The following CELF4 variants were observed in gnomAD, a reference collection of about 807,000 sequenced individuals.
The protein encoded by CELF4 is CUG-BP- and ETR-3-like factor 4.
In CELF4, 18 loss-of-function variants were observed where a neutral mutation model predicts 59.9. That is an observed-to-expected ratio of 0.30 (90% CI 0.21 to 0.45). The LOEUF is 0.45. CELF4 is among the 20% of genes least tolerant of loss of function. The pLI is 1.00. For missense variants in CELF4, 456 were observed against 689.0 expected (o/e 0.66, Z 3.79); for synonymous variants, 261 against 267.1 (o/e 0.98, Z 0.22).
At chr18:37,273,794 C>G in intron 6 of CELF4, 1 of 989,122 alleles carries the variant, frequency 1.0e-6, no homozygotes, top group Non-Finnish European at 1.2e-6. Flanking sequence ...CCGGGAGAGG[C>G]TGACAGAGTG....
chr18:37,499,158 G>A (rs2099928600), intron 1 of CELF4, among the ~76,000 whole-genome samples: 1 of 150,000 alleles, frequency 6.7e-6, no homozygotes, highest in Non-Finnish European at 1.5e-5. Context: ...GCCAGCATGT[G>A]TCGGGGCTCA....
At chr18:37,550,085 G>A (rs919714141) in intron 1 of CELF4, among the ~76,000 whole-genome samples, 1 of 104,546 alleles carries the variant, frequency 9.6e-6, no homozygotes, top group African/African-American at 6.6e-5. Flanking sequence ...CCAATGGGTG[G>A]GGGGGGGGGA....
chr18:37,330,099 A>G (rs2097485130), intron 2 of CELF4, among the ~76,000 whole-genome samples: 1 of 152,238 alleles, frequency 6.6e-6, no homozygotes, highest in Non-Finnish European at 1.5e-5. Flanking sequence ...AACCAACTCG[A>G]TAAGGACAGA....
chr18:37,289,292 C>T (rs1372210951), intron 3 of CELF4, among the ~76,000 whole-genome samples: 4 of 151,864 alleles, frequency 2.6e-5, no homozygotes, highest in Non-Finnish European at 5.9e-5. Context: ...CACTGCCTCT[C>T]TAGGGAAGGG....
intron 2 of CELF4, among the ~76,000 whole-genome samples, chr18:37,381,144 AT>A (rs2099035655): frequency 6.6e-6 from 1 of 152,074 alleles, no homozygotes; most frequent in African/African-American, 2.4e-5. Context: ...CCATCCATCC[AT>A]CCATCCATCC....
chr18:37,362,523 C>A (rs2098720762), intron 2 of CELF4, among the ~76,000 whole-genome samples: 1 of 152,088 alleles, frequency 6.6e-6, no homozygotes, highest in Non-Finnish European at 1.5e-5. Context: ...TGGGTGTGGT[C>A]AGAGAGCACA....
chr18:37,298,337 CCT>C (rs1381024368), intron 3 of CELF4, among the ~76,000 whole-genome samples: 1 of 152,244 alleles, frequency 6.6e-6, no homozygotes, highest in Non-Finnish European at 1.5e-5. Context: ...TCCTGACTGT[CCT>C]CTGTGTCCAC....
chr18:37,525,396 C>A lies in CELF4; in HGVS notation c.287-39789G>T, dbSNP rs989092699. Among the ~76,000 whole-genome samples, 5 of 152,148 alleles carry A rather than the reference C, an allele frequency of 3.3e-5. No homozygotes were observed. In the East Asian group the frequency reaches 9.6e-4, roughly 29 times the overall value. ...TGGCCACGCCTAGACTGGGAGCCAGCGGTGCTCCTGGCGCCCTTCGGGGTG... is the reference window on the plus strand; with the variant it reads ...TGGCCACGCCTAGACTGGGAGCCAGAGGTGCTCCTGGCGCCCTTCGGGGTG... On this transcript the variant is annotated intron_variant, in intron 1 of 12. Transcript: ENST00000420428.
At chr18:37,480,092 C>T (rs1018788296) in intron 2 of CELF4, among the ~76,000 whole-genome samples, 2 of 152,324 alleles carry the variant, frequency 1.3e-5, no homozygotes, top group Non-Finnish European at 1.5e-5. Context: ...AACTGCGAGA[C>T]AATACATTTC....
At chr18:37,435,241 C>A (rs1786819) in intron 2 of CELF4, among the ~76,000 whole-genome samples, 21,095 of 152,126 alleles carry the variant, frequency 0.14, 1,468 homozygotes, top group Middle Eastern at 0.17. Context: ...TCTCTGTGAG[C>A]ATCTAGAAGC....
chr18:37,326,473 G>T (rs1482947271), intron 2 of CELF4, among the ~76,000 whole-genome samples: 1 of 152,090 alleles, frequency 6.6e-6, no homozygotes, highest in Non-Finnish European at 1.5e-5. Flanking sequence ...CTGGGCTGGG[G>T]TGCAGGAGCC....
chr18:37,554,656 G>A (rs1300375705), intron 1 of CELF4, among the ~76,000 whole-genome samples: 1 of 152,196 alleles, frequency 6.6e-6, no homozygotes, highest in Non-Finnish European at 1.5e-5. Context: ...CAAAAAGCCA[G>A]TTGGGCCTTT....
chr18:37,306,928 C>T (rs1230123818), intron 3 of CELF4, among the ~76,000 whole-genome samples: 5 of 152,182 alleles, frequency 3.3e-5, no homozygotes, highest in East Asian at 3.9e-4. Context: ...AGGACAGCAT[C>T]GCTTCATTTC....
intron 3 of CELF4, among the ~76,000 whole-genome samples, chr18:37,285,994 A>G (rs2094714323): frequency 6.6e-6 from 1 of 152,104 alleles, no homozygotes; most frequent in Non-Finnish European, 1.5e-5. Flanking sequence ...TTATAACATA[A>G]TGGGGCTTTT....
chr18:37,553,243 C>A (rs1229955280), intron 1 of CELF4, among the ~76,000 whole-genome samples: 1 of 152,152 alleles, frequency 6.6e-6, no homozygotes, highest in African/African-American at 2.4e-5. Flanking sequence ...CAGTCATACT[C>A]TGTGTCTTTG....
At chr18:37,399,805 C>A (rs977855127) in intron 2 of CELF4, among the ~76,000 whole-genome samples, 5 of 152,182 alleles carry the variant, frequency 3.3e-5, no homozygotes, top group African/African-American at 1.2e-4. Flanking sequence ...AGCTATGTGA[C>A]CTTGGGCAAA....
chr18:37,429,904 C>T lies in CELF4; in HGVS notation c.369+55621G>A, dbSNP rs572128848. On this transcript the variant is annotated intron_variant, in intron 2 of 12. Coordinates refer to ENST00000420428, the MANE Select transcript of CELF4 (RefSeq NM_020180.4). ...GACTCCTGTGTCAGGCACACACCTG[C>T]ACTTCCTGCCTCCCACTTAGCTGCT... Among the ~76,000 whole-genome samples the T allele has an allele frequency of 7.2e-5, 11 of 152,294 alleles. No homozygotes were observed. The South Asian group carries it at 2.3e-3, about 32-fold the overall frequency.
chr18:37,260,368 T>C (rs1205378767), intron 10 of CELF4, among the ~76,000 whole-genome samples: 2 of 152,260 alleles, frequency 1.3e-5, no homozygotes, highest in African/African-American at 4.8e-5. Context: ...AGATGCGTCT[T>C]AGATAGCATA....
At chr18:37,489,193 C>T (rs56127426) in intron 1 of CELF4, among the ~76,000 whole-genome samples, 24,008 of 152,316 alleles carry the variant, frequency 0.16, 2,105 homozygotes, top group Middle Eastern at 0.24. Context: ...GCGGCTGACA[C>T]GCCAGCATGG....
Sources: allele counts gnomAD v4.1 joint callset (sites outside exome capture counted in the v4.1 genomes callset), GRCh38; gene constraint gnomAD v4.1.1; transcripts MANE v1.5; gene names NCBI Gene and HGNC (gene_info 2026-07-23, HGNC 2026-07-21).